The following L3MBTL2 variants were observed in gnomAD, a reference collection of about 807,000 sequenced individuals.
L3MBTL2 encodes L3MBTL histone methyl-lysine binding protein 2.
In L3MBTL2, 49 loss-of-function variants were observed where a neutral mutation model predicts 86.4. The observed-to-expected ratio is 0.57, with a 90% CI of 0.45 to 0.72. L3MBTL2 has a LOEUF of 0.72. L3MBTL2 is among the 30% of genes least tolerant of loss of function. The pLI is 0.00. For missense variants in L3MBTL2, 755 were observed against 923.7 expected (o/e 0.82, Z 2.37); for synonymous variants, 336 against 350.6 (o/e 0.96, Z 0.47).
At chr22:41,206,423 G>A (rs1424211807) in intron 1 of L3MBTL2, among the ~76,000 whole-genome samples, 2 of 152,116 alleles carry the variant, frequency 1.3e-5, no homozygotes, top group African/African-American at 4.8e-5. Context: ...TTGGGCTCAA[G>A]CAATCCTTAC....
At chr22:41,223,511 G>A (rs114316953) in intron 8 of L3MBTL2, among the ~76,000 whole-genome samples, 103 of 150,282 alleles carry the variant, frequency 6.9e-4, no homozygotes, top group African/African-American at 2.5e-3. Context: ...AGGGACACAG[G>A]AAGACTCAGT....
intron 1 of L3MBTL2, among the ~76,000 whole-genome samples, chr22:41,205,724 T>A (rs2030158832): frequency 6.6e-6 from 1 of 152,002 alleles, no homozygotes. Context: ...TTACATGAGG[T>A]GGGAAGTGAA....
rs1288653432 is a variant in L3MBTL2, at chr22:41,227,042, G to T, written c.1588-47G>T. The T allele has an allele frequency of 1.3e-6, 2 of 1,518,152 alleles. No homozygotes were observed. Among genetic ancestry groups the T allele is most frequent in the East Asian group, 2.4e-5 (1 of 41,416 alleles). 94.0% of individuals were successfully genotyped at this position (1,518,152 alleles called of 1,614,324 possible). The stretch of plus-strand genomic sequence containing the variant: ...CTCCGGGCCGGGGCAAGCCTGCTGG[G>T]GTAGGGAGCTGACTGGCTTGGCCAC... On this transcript the variant is annotated intron_variant, in intron 13 of 16. Coordinates refer to ENST00000216237, the MANE Select transcript of L3MBTL2 (RefSeq NM_031488.5). The surrounding 1 kb of genome is among the most constrained non-coding windows in gnomAD (Gnocchi z 6.0).
Position 41,225,172 on chromosome 22 carries a change from C to A in L3MBTL2, c.1356+101C>A. On this transcript the variant is annotated intron_variant, in intron 11 of 16. Transcript: ENST00000216237. This position sits in a 1 kb window ranked among gnomAD's most constrained non-coding sequence, Gnocchi z 4.1. Reference sequence around the variant, plus strand: ...CTCGCCACCGTCAGGGGGTCTGTGTCCCAGCCTCTCATCACTGGCTGCACC... The same window carrying A: ...CTCGCCACCGTCAGGGGGTCTGTGTACCAGCCTCTCATCACTGGCTGCACC... 1.1e-6 allele frequency: 1 copy of A among 878,484 alleles called. No individual in the cohort carries two copies. The highest frequency in any genetic ancestry group is 1.8e-6 in the Non-Finnish European group (1 of 570,264). 54.4% of individuals were successfully genotyped at this position (878,484 alleles called of 1,614,324 possible).
Position 41,224,263 on chromosome 22 carries a change from C to A in L3MBTL2, c.1174+12C>A. The A allele has an allele frequency of 6.2e-7, 1 of 1,600,114 alleles. No homozygotes were observed. Among genetic ancestry groups the A allele is most frequent in the Non-Finnish European group, 8.6e-7 (1 of 1,168,746 alleles). On this transcript the variant is annotated intron_variant, in intron 9 of 16. Transcript: ENST00000216237. The surrounding 1 kb of genome is among the most constrained non-coding windows in gnomAD (Gnocchi z 4.9). ...CATCAAGATGTCAGGTTAGCAGAGC[C>A]CCAGGCCAGAGGGACTGCATGCTGT...
chr22:41,210,604 C>T (rs976812049), intron 2 of L3MBTL2, among the ~76,000 whole-genome samples: 20 of 152,220 alleles, frequency 1.3e-4, no homozygotes, highest in African/African-American at 4.3e-4. Context: ...GCTGGGATTA[C>T]AGGCGTGTGC....
chr22:41,223,399 G>C (rs1021453774), intron 8 of L3MBTL2, among the ~76,000 whole-genome samples: 1 of 152,354 alleles, frequency 6.6e-6, no homozygotes, highest in Middle Eastern at 3.4e-3. Flanking sequence ...ATGGCTCTCT[G>C]TAGAGCAGCT....
At chr22:41,209,420 A>G (rs1034843622) in intron 1 of L3MBTL2, 1 of 372,624 alleles carries the variant, frequency 2.7e-6, no homozygotes, top group South Asian at 2.5e-5. Flanking sequence ...ATTGTTATAC[A>G]GTATTCTATT....
Position 41,224,166 on chromosome 22 carries a change from C to G in L3MBTL2, c.1089C>G (p.Asp363Glu). 6.2e-7 allele frequency: 1 copy of G among 1,614,100 alleles called. No individual in the cohort carries two copies. Residue 363 changes from aspartate (D) to glutamate (E), a missense_variant, in exon 9 of 17, where the codon GAC (aspartate) becomes GAG (glutamate). By Grantham distance (45) the Asp-to-Glu change is conservative. This residue lies in a region of L3MBTL2 where 634 missense variants were observed against 748.9 expected (regional missense o/e 0.85). Transcript: ENST00000216237. The surrounding 1 kb of genome is among the most constrained non-coding windows in gnomAD (Gnocchi z 4.9). ...TCCTCTACGAGGATGGTGACAGTGACGACGACTTCTGGTGCCACATGTGGA... is the reference window on the plus strand; with the variant it reads ...TCCTCTACGAGGATGGTGACAGTGAGGACGACTTCTGGTGCCACATGTGGA... Reference protein sequence around the residue: ...LRLLYEDGDSDDDFWCHMWSP... With the variant: ...LRLLYEDGDSEDDFWCHMWSP...
chr22:41,229,864 C>T, intron 16 of L3MBTL2: 1 of 831,410 alleles, frequency 1.2e-6, no homozygotes, highest in Non-Finnish European at 2.0e-6. Flanking sequence ...CTAGCCCGGC[C>T]CCGGCCCCTC....
rs746470505 is a variant in L3MBTL2 at position 41,209,907 on chromosome 22, C to G, written c.236C>G (p.Ser79Cys). ...TTGCTCAGCCCTGGGACTCCTCGCT[C>G]CTTGGATGGCAGTGGTTCTGAGCCA... is the stretch of plus-strand genomic sequence containing the variant. ...LHLLSPGTPR[S>C]LDGSGSEPAV... Residue 79 changes from serine (S) to cysteine (C), a missense_variant, in exon 2 of 17, where the codon TCC becomes TGC. Physicochemically the swap from Ser to Cys is moderately radical, Grantham distance 112. Coordinates refer to ENST00000216237, the MANE Select transcript of L3MBTL2 (RefSeq NM_031488.5). 10 of 1,613,894 alleles carry G rather than the reference C, an allele frequency of 6.2e-6. No homozygotes were observed. The South Asian group carries it at 9.9e-5, about 16-fold the overall frequency.
Position 41,217,090 on chromosome 22 carries a change from C to T in L3MBTL2, c.521-33C>T, listed in dbSNP as rs1460589803. The T allele has an allele frequency of 2.5e-6, 4 of 1,587,462 alleles. No homozygotes were observed. In the African/African-American group the frequency reaches 5.4e-5, roughly 21 times the overall value. On this transcript the variant is annotated intron_variant, in intron 4 of 16. Transcript: ENST00000216237. Reference sequence around the variant, plus strand: ...GCTCCTGGAGTGGCTGCTGCGCAGGCTCCTAGTCTGACTCGTCCTCTCTGC... The same window carrying T: ...GCTCCTGGAGTGGCTGCTGCGCAGGTTCCTAGTCTGACTCGTCCTCTCTGC...
intron 2 of L3MBTL2, among the ~76,000 whole-genome samples, chr22:41,212,111 G>C (rs997886737): frequency 8.9e-5 from 13 of 145,704 alleles, no homozygotes; most frequent in Non-Finnish European, 1.5e-4. Context: ...TGATCCGCCC[G>C]CCTCAGCCTC....
chr22:41,227,281 T>A lies in L3MBTL2; in HGVS notation c.1780T>A (p.Cys594Ser). The change falls in exon 14 of 17, where the codon TGT becomes AGT. Residue 594 changes from cysteine (C) to serine (S), a missense_variant. Cys to Ser is a moderately radical substitution (Grantham distance 112). This residue lies in a region of L3MBTL2 where 634 missense variants were observed against 748.9 expected (regional missense o/e 0.85). Coordinates refer to ENST00000216237, the MANE Select transcript of L3MBTL2 (RefSeq NM_031488.5). The surrounding 1 kb of genome is among the most constrained non-coding windows in gnomAD (Gnocchi z 6.0). ...ESPDIYPVGW[C>S]ELTGYQLQPP... is the part of the protein sequence containing the mutation. ...CCCAGACATCTACCCCGTCGGCTGG[T>A]GTGAGCTCACCGGCTACCAGCTCCA... The A allele has an allele frequency of 6.2e-7, 1 of 1,611,462 alleles. No homozygotes were observed. Among genetic ancestry groups the A allele is most frequent in the Non-Finnish European group, 8.5e-7 (1 of 1,179,248 alleles).
intron 5 of L3MBTL2, 188 bp from the exon 6 acceptor site, chr22:41,219,231 C>G: frequency 1.9e-6 from 1 of 514,374 alleles, no homozygotes; most frequent in South Asian, 2.0e-5. Flanking sequence ...ACCTCCACCT[C>G]TACTCCCGGC....
intron 2 of L3MBTL2, 42 bp from the exon 3 acceptor site, chr22:41,213,851 G>A (rs2031120399): frequency 1.2e-6 from 2 of 1,609,412 alleles, no homozygotes; most frequent in Admixed American, 1.7e-5. Context: ...TTGCTTTGAG[G>A]TGGTCATATC....
intron 12 of L3MBTL2, among the ~76,000 whole-genome samples, 164 bp downstream of exon 12, chr22:41,226,105 C>T (rs1172225940): frequency 6.6e-6 from 1 of 152,156 alleles, no homozygotes; most frequent in Admixed American, 6.6e-5. Context: ...GACAAAACCT[C>T]GTCTCTACTA....
rs1281818311 is a variant in L3MBTL2, at chr22:41,221,888, C to T, written c.942+601C>T. ...AAAGTGCTGGGATTACAGGCATGAG[C>T]CACCGCGCCCAGCCTTTTTTTTCTT... On this transcript the variant is annotated intron_variant, in intron 8 of 16. Transcript: ENST00000216237. Among the ~76,000 whole-genome samples, 3 of 149,000 alleles carry T rather than the reference C, an allele frequency of 2.0e-5. 1 individual carries two copies. The highest frequency in any genetic ancestry group is 1.5e-5 in the Non-Finnish European group (1 of 67,396).
chr22:41,228,040 C>T (rs947556793), intron 15 of L3MBTL2, 171 bp downstream of exon 15: 8 of 985,270 alleles, frequency 8.1e-6, no homozygotes, highest in South Asian at 4.7e-5. Context: ...CTTTGGCCTA[C>T]GGGCCTTTCA....
Sources: gnomAD v4.1 joint callset for allele counts (sites outside exome capture counted in the v4.1 genomes callset) on GRCh38, gnomAD v4.1.1 for gene constraint, gnomAD v4.1.1 regional missense constraint, Gnocchi (gnomAD v3.1) non-coding constraint, MANE v1.5 for transcripts, NCBI Gene and HGNC (gene_info 2026-07-23, HGNC 2026-07-21) for gene names.